The following PPIC variants were observed in gnomAD, a reference collection of about 807,000 sequenced individuals.
The protein encoded by PPIC is peptidyl-prolyl cis-trans isomerase C.
Under a neutral mutation model 19.5 loss-of-function variants are expected in PPIC, and 19 were observed. The observed-to-expected ratio is 0.98, with a 90% confidence interval of 0.68 to 1.43. The LOEUF (loss-of-function observed/expected upper bound fraction) is 1.43. Ranked by LOEUF, PPIC falls within the 40% of genes most tolerant of loss-of-function variation. The pLI is 0.00. For synonymous variants in PPIC, 107 were observed against 101.2 expected (o/e 1.06, Z -0.34); for missense variants, 268 against 268.6 (o/e 1.00, Z 0.02).
At chr5:123,028,641 T>A in intron 3 of PPIC, 134 bp downstream of exon 3, 1 of 650,186 alleles carries the variant, frequency 1.5e-6, no homozygotes, top group Non-Finnish European at 2.6e-6. Flanking sequence ...CAAAACTCCA[T>A]CCTTCTCAAA....
chr5:123,025,869 T>G lies in PPIC; in HGVS notation c.425A>C (p.Asn142Thr), dbSNP rs766984428. 1 of 1,614,102 alleles carries G rather than the reference T, an allele frequency of 6.2e-7. No individual in the cohort carries two copies. The highest frequency in any genetic ancestry group is 8.5e-7 in the Non-Finnish European group (1 of 1,180,022). ...VSMANAGPDT[N>T]GSQFFITLTK... ...CAAGGTGATAAAGAACTGAGAGCCA[T>G]TGGTGTCAGGCCCAGCGTTGGCCAT... is the stretch of plus-strand genomic sequence containing the variant. The change falls in exon 4 of 5, where the codon AAT (asparagine) becomes ACT (threonine). Residue 142 changes from asparagine to threonine, a missense_variant. Asn to Thr is a moderately conservative substitution (Grantham distance 65). Coordinates refer to ENST00000306442, the MANE Select transcript of PPIC (RefSeq NM_000943.5).
chr5:123,027,485 G>A (rs953249340), intron 3 of PPIC, among the ~76,000 whole-genome samples: 1 of 152,146 alleles, frequency 6.6e-6, no homozygotes, highest in African/African-American at 2.4e-5. Flanking sequence ...TGCCAGCACC[G>A]AGGGCACGGG....
At chr5:123,028,552 G>A in intron 3 of PPIC, 1 of 434,734 alleles carries the variant, frequency 2.3e-6, no homozygotes. Flanking sequence ...ATTACGGAAA[G>A]ACAATAAACA....
chr5:123,024,071 C>G, intron 4 of PPIC, 68 bp from the exon 5 acceptor site: 3 of 1,527,078 alleles, frequency 2.0e-6, no homozygotes, highest in South Asian at 2.6e-5. Context: ...AAGGTTAAAC[C>G]AAAGCCAACT....
intron 2 of PPIC, 89 bp downstream of exon 2, chr5:123,029,216 A>G (rs755005724): frequency 6.2e-7 from 1 of 1,604,658 alleles, no homozygotes; most frequent in South Asian, 1.1e-5. Context: ...CTGACATACT[A>G]ATTTAATACT....
Position 123,023,307 on chromosome 5 carries a change from T to C in PPIC, c.*568A>G, listed in dbSNP as rs1055425984. 4 of 152,284 alleles carry C rather than the reference T, an allele frequency of 2.6e-5. No individual in the cohort carries two copies. The highest frequency in any genetic ancestry group is 9.6e-5 in the African/African-American group (4 of 41,464). 9.4% of individuals were successfully genotyped at this position (152,284 alleles called of 1,614,324 possible). ...TATAAAATCTTTCTAATCTGTTCAC[T>C]GTTAATGCTAGAGTGTGTGTATTTT... is the stretch of plus-strand genomic sequence containing the variant. On this transcript the variant is annotated 3_prime_UTR_variant, in exon 5 of 5. Coordinates refer to ENST00000306442, the MANE Select transcript of PPIC (RefSeq NM_000943.5).
At chr5:123,029,110 G>A (rs771709244) in intron 2 of PPIC, 195 bp downstream of exon 2, 2 of 1,020,336 alleles carry the variant, frequency 2.0e-6, no homozygotes, top group Non-Finnish European at 1.4e-6. Context: ...TTCACTTGAT[G>A]ATGATTTTCT....
In PPIC at chr5:123,029,553, C is replaced by T. The variant is rs1366013263; in HGVS notation, c.118-135G>A. 32 of 1,386,144 alleles carry T rather than the reference C, an allele frequency of 2.3e-5. No homozygotes were observed. The South Asian group carries it at 5.5e-4, about 24-fold the overall frequency. 85.9% of individuals were successfully genotyped at this position (1,386,144 alleles called of 1,614,324 possible). A position where few individuals can be genotyped will look rare whatever the true frequency, so the allele number is the denominator to read the frequency against. ...ATCAGTATTTTGTAAAGGAGCATGA[C>T]ATCAATTAAAGGTACTTTAAAACTA... On this transcript the variant is annotated intron_variant, in intron 1 of 4. Transcript: ENST00000306442.
chr5:123,025,669 CCAGT>C, intron 4 of PPIC, 111 bp downstream of exon 4: 1 of 1,060,888 alleles, frequency 9.4e-7, no homozygotes, highest in Non-Finnish European at 1.4e-6. Flanking sequence ...TTTGAAGAGG[CCAGT>C]CAGCTATATA....
rs113015621 is a variant in PPIC, at chr5:123,031,395, G to T, written c.118-1977C>A. Among the ~76,000 whole-genome samples, 650 of 152,316 alleles carry T rather than the reference G, an allele frequency of 4.3e-3. 6 individuals are homozygous for T. The highest frequency in any genetic ancestry group is 0.015 in the African/African-American group (618 of 41,556). ...AGGAGGAAGGCTTGAAGGGAGGCAGGCCTGGGAGGAGGGGAGCCATCTCCC... is the reference window on the plus strand; with the variant it reads ...AGGAGGAAGGCTTGAAGGGAGGCAGTCCTGGGAGGAGGGGAGCCATCTCCC... On this transcript the variant is annotated intron_variant, in intron 1 of 4. Coordinates refer to ENST00000306442, the MANE Select transcript of PPIC (RefSeq NM_000943.5).
At chr5:123,026,366 G>A (rs1332465846) in intron 3 of PPIC, among the ~76,000 whole-genome samples, 1 of 152,136 alleles carries the variant, frequency 6.6e-6, no homozygotes, top group Non-Finnish European at 1.5e-5. Flanking sequence ...GAGGCTCAAA[G>A]CTCAGGACAG....
intron 1 of PPIC, among the ~76,000 whole-genome samples, chr5:123,029,674 G>A (rs1026769832): frequency 3.3e-5 from 5 of 152,128 alleles, no homozygotes; most frequent in Non-Finnish European, 5.9e-5. Flanking sequence ...TGAGTTTAAA[G>A]GCTGACTCAA....
intron 1 of PPIC, among the ~76,000 whole-genome samples, chr5:123,033,505 C>T (rs1001973317): frequency 5.3e-5 from 8 of 152,308 alleles, no homozygotes; most frequent in South Asian, 4.1e-4. Flanking sequence ...CTTCCGCCGC[C>T]GTGACTGGAA....
In PPIC at chr5:123,036,415, C is replaced by T. The variant is rs1317622130; in HGVS notation, c.117+94G>A. 4.2e-6 allele frequency: 5 copies of T among 1,198,764 alleles called. No homozygotes were observed. The highest frequency in any genetic ancestry group is 3.9e-5 in the Admixed American group (2 of 51,076). The allele number at this position is 1,198,764 out of a possible 1,614,324, so 74.3% of individuals were successfully genotyped here. On this transcript the variant is annotated intron_variant, in intron 1 of 4. Transcript: ENST00000306442. The surrounding 1 kb of genome is among the most constrained non-coding windows in gnomAD (Gnocchi z 4.5). Reference sequence around the variant, plus strand: ...TCCCCCTGCGCCCGGGAAGCCTCCACCTCGCCCGCCCTGACACCGAGGTCC... The same window carrying T: ...TCCCCCTGCGCCCGGGAAGCCTCCATCTCGCCCGCCCTGACACCGAGGTCC...
At chr5:123,028,941 A>G (rs1762903115) in intron 2 of PPIC, 73 bp from the exon 3 acceptor site, 5 of 1,295,696 alleles carry the variant, frequency 3.9e-6, no homozygotes, top group Non-Finnish European at 5.5e-6. Context: ...GTTGATCTAG[A>G]AAGGACAAAC....
chr5:123,035,514 C>G (rs1488781675), intron 1 of PPIC, among the ~76,000 whole-genome samples: 1 of 152,172 alleles, frequency 6.6e-6, no homozygotes, highest in Non-Finnish European at 1.5e-5. Context: ...TCCCCACCCC[C>G]TAGTCCTCCC....
intron 1 of PPIC, among the ~76,000 whole-genome samples, chr5:123,034,081 A>G (rs747569534): frequency 3.9e-5 from 6 of 152,350 alleles, no homozygotes; most frequent in South Asian, 4.1e-4. Context: ...TCTCTTATTT[A>G]CAGATTCCTA....
In PPIC at chr5:123,029,746, C is replaced by T. The variant is rs188647549; in HGVS notation, c.118-328G>A. Among the ~76,000 whole-genome samples the T allele has an allele frequency of 1.2e-4, 18 of 152,270 alleles. No homozygotes were observed. In the East Asian group the frequency reaches 2.5e-3, roughly 21 times the overall value. On this transcript the variant is annotated intron_variant, in intron 1 of 4. Transcript: ENST00000306442. ...CTTCTCTTCCCATACCCCAGACAAA[C>T]GCTGCTGCTACTTCCCATTTCCTGG...
intron 3 of PPIC, chr5:123,028,522 T>A (rs547315320): frequency 7.7e-6 from 3 of 388,926 alleles, no homozygotes; most frequent in Middle Eastern, 5.1e-4. Context: ...TTTTAATAAC[T>A]GCAAAATGAA....
Sources: allele counts gnomAD v4.1 joint callset (sites outside exome capture counted in the v4.1 genomes callset), GRCh38; gene constraint gnomAD v4.1.1; non-coding constraint Gnocchi (gnomAD v3.1); transcripts MANE v1.5; gene names NCBI Gene and HGNC (gene_info 2026-07-23, HGNC 2026-07-21).